ADGRF5: variants seen among roughly 807,000 people sequenced by gnomAD.
The protein encoded by ADGRF5 is G-protein coupled receptor 116.
Under a neutral mutation model 132.3 loss-of-function variants are expected in ADGRF5, and 75 were observed. The observed-to-expected ratio is 0.57, with a 90% CI of 0.47 to 0.69. The LOEUF (loss-of-function observed/expected upper bound fraction) is 0.69, where lower values mean the gene tolerates loss of function less well. Among genes scored for constraint, ADGRF5 ranks in the 30% least tolerant of loss-of-function variants. The pLI, the probability that ADGRF5 is intolerant of heterozygous loss-of-function variation, is 0.00. For synonymous variants in ADGRF5, 629 were observed against 597.6 expected, an observed-to-expected ratio of 1.05 and a Z score of -0.77; for missense variants, 1,516 against 1,630.6, an observed-to-expected ratio of 0.93 and a Z score of 1.21.
chr6:46,954,618 G>T (rs909896920), intron 1 of ADGRF5: 1 of 152,158 alleles, frequency 6.6e-6, no homozygotes, highest in African/African-American at 2.4e-5. Flanking sequence ...ATCTCCACAA[G>T]ACACACAGGT....
intron 1 of ADGRF5, among the ~76,000 whole-genome samples, chr6:46,953,538 C>A (rs1315420945): frequency 6.6e-6 from 1 of 150,902 alleles, no homozygotes; most frequent in Non-Finnish European, 1.5e-5. Flanking sequence ...ACAAAGATCA[C>A]TTGAACCCAA....
chr6:46,884,681 T>C (rs138365087), intron 4 of ADGRF5, among the ~76,000 whole-genome samples: 120 of 152,320 alleles, frequency 7.9e-4, no homozygotes, highest in African/African-American at 2.8e-3. Context: ...ATCAACAGAA[T>C]AAGGTAGAGG....
intron 10 of ADGRF5, among the ~76,000 whole-genome samples, chr6:46,876,474 G>A (rs964436390): frequency 6.6e-6 from 1 of 152,220 alleles, no homozygotes; most frequent in Non-Finnish European, 1.5e-5. Flanking sequence ...CATGTATCAT[G>A]TGTCAACATT....
rs1374881738 is a variant in ADGRF5 at position 46,879,688 on chromosome 6, G to A, written c.1036+130C>T. The A allele has an allele frequency of 1.6e-5, 11 of 687,356 alleles. No individual in the cohort carries two copies. The South Asian group carries it at 1.6e-4, about 10-fold the overall frequency. The allele number at this position is 687,356 out of a possible 1,614,324, so 42.6% of individuals were successfully genotyped here. ...TCGGATTAATTTTCAGTTTTGAAAG[G>A]TTGAACCAGGAGACTTATTTTGGAA... On this transcript the variant is annotated intron_variant, in intron 9 of 20. Transcript: ENST00000283296.
intron 3 of ADGRF5, among the ~76,000 whole-genome samples, chr6:46,890,855 A>G (rs1214621298): frequency 6.6e-6 from 1 of 152,270 alleles, no homozygotes; most frequent in Non-Finnish European, 1.5e-5. Context: ...AAATTTTCCC[A>G]TAATATTTCA....
At chr6:46,912,092 AACTGAGCC>A (rs1181445963) in intron 1 of ADGRF5, among the ~76,000 whole-genome samples, 2 of 152,190 alleles carry the variant, frequency 1.3e-5, no homozygotes, top group Admixed American at 1.3e-4. Context: ...ATATAAAATT[AACTGAGCC>A]ACTGAGTGGT....
Position 46,854,077 on chromosome 6 carries a change from A to T in ADGRF5, c.3962-6T>A. On this transcript the variant is annotated splice_region_variant and splice_polypyrimidine_tract_variant and intron_variant, in intron 20 of 20. Coordinates refer to ENST00000283296, the MANE Select transcript of ADGRF5 (RefSeq NM_001098518.2). ...GGTGGAAACATTATACGTTCCTGAAAAACAGAGCAGCAACTCAGCCTTGAA... is the reference window on the plus strand; with the variant it reads ...GGTGGAAACATTATACGTTCCTGAATAACAGAGCAGCAACTCAGCCTTGAA... The T allele has an allele frequency of 1.3e-6, 2 of 1,590,574 alleles. No homozygotes were observed. Among genetic ancestry groups the T allele is most frequent in the Non-Finnish European group, 1.7e-6 (2 of 1,170,234 alleles).
In ADGRF5 at chr6:46,859,406, A is replaced by T; in HGVS notation, c.2497T>A (p.Ser833Thr). The T allele has an allele frequency of 6.2e-7, 1 of 1,613,598 alleles. No homozygotes were observed. The highest frequency in any genetic ancestry group is 1.7e-4 in the Middle Eastern group (1 of 6,056). Residue 833 changes from serine to threonine, a missense_variant, in exon 17 of 21, where the codon TCC becomes ACC. Coordinates refer to ENST00000283296, the MANE Select transcript of ADGRF5 (RefSeq NM_001098518.2). ...CTATCTCCCGACTGTAATGCTTGGGAAAATCTTTCCACTGAATGTAGTAGC... is the reference window on the plus strand; with the variant it reads ...CTATCTCCCGACTGTAATGCTTGGGTAAATCTTTCCACTGAATGTAGTAGC... Reference protein sequence around the residue: ...SQLLHSVERFSQALQSGDSPP... With the variant: ...SQLLHSVERFTQALQSGDSPP...
chr6:46,889,197 A>G (rs931738669), intron 3 of ADGRF5, among the ~76,000 whole-genome samples: 5 of 147,462 alleles, frequency 3.4e-5, no homozygotes, highest in African/African-American at 9.9e-5. Context: ...ATATATATAT[A>G]TATATATAAA....
At chr6:46,905,822 C>G (rs749619182) in intron 2 of ADGRF5, among the ~76,000 whole-genome samples, 1 of 152,036 alleles carries the variant, frequency 6.6e-6, no homozygotes, top group East Asian at 1.9e-4. Flanking sequence ...GAAACAATAA[C>G]AGCAAACAGT....
chr6:46,868,483 G>A (rs538700996), intron 12 of ADGRF5, among the ~76,000 whole-genome samples: 1 of 152,278 alleles, frequency 6.6e-6, no homozygotes, highest in Admixed American at 6.5e-5. Context: ...GAGGTAAACA[G>A]GAAATTAAAA....
chr6:46,937,678 A>C (rs1777900265), intron 1 of ADGRF5, among the ~76,000 whole-genome samples: 1 of 152,206 alleles, frequency 6.6e-6, no homozygotes, highest in Non-Finnish European at 1.5e-5. Flanking sequence ...ACTCACAATA[A>C]AATAGAGCAA....
intron 15 of ADGRF5, among the ~76,000 whole-genome samples, chr6:46,862,455 A>G (rs1256713758): frequency 2.0e-5 from 3 of 152,188 alleles, no homozygotes; most frequent in Non-Finnish European, 4.4e-5. Context: ...TACCTGTAAG[A>G]GCATCAAGCC....
At chr6:46,878,639 G>A (rs1772092892) in intron 9 of ADGRF5, among the ~76,000 whole-genome samples, 1 of 151,908 alleles carries the variant, frequency 6.6e-6, no homozygotes, top group African/African-American at 2.4e-5. Flanking sequence ...GAAATTTTAG[G>A]GACTTTTCTA....
chr6:46,869,160 C>T (rs750635361), intron 11 of ADGRF5, 68 bp from the exon 12 acceptor site: 67 of 1,541,946 alleles, frequency 4.3e-5, no homozygotes, highest in Non-Finnish European at 5.6e-5. Context: ...TCTCTGGGGA[C>T]ATTAACATAT....
intron 6 of ADGRF5, among the ~76,000 whole-genome samples, chr6:46,882,665 G>C (rs1331064933): frequency 6.6e-6 from 1 of 152,242 alleles, no homozygotes; most frequent in South Asian, 2.1e-4. Context: ...AGGTACCTAG[G>C]TGGTTGCTAT....
Position 46,878,275 on chromosome 6 carries a change from C to G in ADGRF5, c.1167G>C (p.Leu389Phe). Reference protein sequence around the residue: ...KVMCDNNPVSLNCCSQGNVNW... With the variant: ...KVMCDNNPVSFNCCSQGNVNW... ...TAACATTACCCTGACTGCAGCAGTT[C>G]AAAGATACAGGATTGTTGTCGCACA... The change falls in exon 10 of 21, where the codon TTG (leucine) becomes TTC (phenylalanine). Residue 389 changes from leucine (L) to phenylalanine (F), a missense_variant. Physicochemically the swap from Leu to Phe is conservative, Grantham distance 22 (BLOSUM62 0). Transcript: ENST00000283296. 1 of 1,613,894 alleles carries G rather than the reference C, an allele frequency of 6.2e-7. No homozygotes were observed.
intron 1 of ADGRF5, among the ~76,000 whole-genome samples, chr6:46,920,794 C>G (rs747291795): frequency 4.9e-4 from 75 of 152,082 alleles, no homozygotes; most frequent in Non-Finnish European, 1.0e-3. Context: ...ACCCGGGAGG[C>G]AGAGGTTGTA....
chr6:46,860,787 A>G lies in ADGRF5; in HGVS notation c.2307T>C (p.Ser769=), dbSNP rs533053670. ...AEHEISSSPG[S]LGAIINILDL... The stretch of plus-strand genomic sequence containing the variant: ...CAAGGATGTTAATAATGGCTCCCAG[A>G]CTCCCAGGAGAAGAGCTGATTTCAT... Residue 769 remains serine (S), a synonymous_variant, in exon 16 of 21, where the codon AGT becomes AGC. Transcript: ENST00000283296. 3 of 1,613,286 alleles carry G rather than the reference A, an allele frequency of 1.9e-6. No individual in the cohort carries two copies. In the South Asian group the frequency reaches 3.3e-5, roughly 18 times the overall value.
Sources: gnomAD v4.1 joint callset for allele counts (sites outside exome capture counted in the v4.1 genomes callset) on GRCh38, gnomAD v4.1.1 for gene constraint, MANE v1.5 for transcripts, NCBI Gene and HGNC (gene_info 2026-07-23, HGNC 2026-07-21) for gene names.